The following MPRIP variants were observed in gnomAD, a reference collection of about 807,000 sequenced individuals.
MPRIP encodes myosin phosphatase Rho interacting protein.
Under a neutral mutation model 234.9 loss-of-function variants are expected in MPRIP, and 59 were observed. The observed-to-expected ratio is 0.25, with a 90% CI of 0.20 to 0.31. The LOEUF (loss-of-function observed/expected upper bound fraction) is 0.31. Ranked by LOEUF, MPRIP falls within the 10% of genes least tolerant of loss-of-function variation. The probability of loss-of-function intolerance (pLI) is 1.00; values close to 1 mark genes in which losing one functional copy is unlikely to be tolerated. For missense variants in MPRIP, 2,436 were observed against 3,071.0 expected (o/e 0.79, Z 4.89); for synonymous variants, 1,144 against 1,263.9 (o/e 0.91, Z 2.01).
intron 12 of MPRIP, among the ~76,000 whole-genome samples, chr17:17,151,399 C>T (rs368050466): frequency 2.0e-5 from 3 of 152,188 alleles, no homozygotes; most frequent in African/African-American, 2.4e-5. Flanking sequence ...CTTGGGGACA[C>T]GGTGTCCTCT....
intron 3 of MPRIP, among the ~76,000 whole-genome samples, chr17:17,079,878 A>T (rs2089422467): frequency 1.3e-5 from 2 of 152,194 alleles, no homozygotes; most frequent in Non-Finnish European, 1.5e-5. Flanking sequence ...CGGCTTCTGG[A>T]TAATTGAGGC....
intron 1 of MPRIP, among the ~76,000 whole-genome samples, chr17:17,048,212 C>T (rs974537855): frequency 1.3e-5 from 2 of 152,074 alleles, no homozygotes; most frequent in Non-Finnish European, 2.9e-5. Flanking sequence ...GAAATGAGCT[C>T]GGTCTTGATC....
At chr17:17,132,422 T>C (rs2090615152) in intron 5 of MPRIP, among the ~76,000 whole-genome samples, 1 of 152,230 alleles carries the variant, frequency 6.6e-6, no homozygotes, top group South Asian at 2.1e-4. Context: ...GGACCTATTA[T>C]AGGTTCTCAG....
chr17:17,131,977 G>A (rs540059499), intron 5 of MPRIP, among the ~76,000 whole-genome samples: 3 of 152,306 alleles, frequency 2.0e-5, no homozygotes, highest in African/African-American at 7.2e-5. Flanking sequence ...CCCTCCCCTC[G>A]CTATCCTGCT....
Position 17,165,999 on chromosome 17 carries a change from G to C in MPRIP, c.4408G>C (p.Val1470Leu). 14 of 1,304,288 alleles carry C rather than the reference G, an allele frequency of 1.1e-5. No individual in the cohort carries two copies. Among genetic ancestry groups the C allele is most frequent in the Non-Finnish European group, 1.4e-5 (14 of 988,938 alleles). 80.8% of individuals were successfully genotyped at this position (1,304,288 alleles called of 1,614,324 possible). The change falls in exon 16 of 24, where the codon GTC (valine) becomes CTC (leucine). Residue 1470 changes from valine to leucine, a missense_variant. Physicochemically the swap from Val to Leu is conservative, Grantham distance 32 (BLOSUM62 1). Transcript: ENST00000651222. ...TGTTGGAGAGCTTGGGGACTTCCAGGTCAAGAATAGTCAGGCCCTGATGTG... is the reference window on the plus strand; with the variant it reads ...TGTTGGAGAGCTTGGGGACTTCCAGCTCAAGAATAGTCAGGCCCTGATGTG... ...GHVGELGDFQ[V>L]KNSQALMCLE...
At chr17:17,097,153 A>G (rs1301673971) in intron 3 of MPRIP, 1 of 202,272 alleles carries the variant, frequency 4.9e-6, no homozygotes, top group Non-Finnish European at 1.0e-5. Context: ...TCAGAAGTAA[A>G]ATCAGTTCAT....
chr17:17,150,139 G>A lies in MPRIP; in HGVS notation c.1630-5G>A, dbSNP rs527581193. The A allele has an allele frequency of 1.9e-5, 31 of 1,610,620 alleles. No homozygotes were observed. In the South Asian group the frequency reaches 2.1e-4, roughly 11 times the overall value. ...ATCTCAAGACATTCTCACTTCCCTC[G>A]GCAGGCAGCCGACTTGGATGGAGAA... is the stretch of plus-strand genomic sequence containing the variant. On this transcript the variant is annotated splice_region_variant and splice_polypyrimidine_tract_variant and intron_variant, in intron 11 of 23. Coordinates refer to ENST00000651222, the MANE Select transcript of MPRIP (RefSeq NM_001364716.4).
chr17:17,184,492 C>T (rs1477679675), intron 23 of MPRIP, among the ~76,000 whole-genome samples: 1 of 152,238 alleles, frequency 6.6e-6, no homozygotes, highest in Admixed American at 6.5e-5. Context: ...TGGGCAGTCT[C>T]CTTGCTCATT....
intron 13 of MPRIP, 35 bp from the exon 14 acceptor site, chr17:17,158,397 C>A (rs2045779443): frequency 6.6e-7 from 1 of 1,515,726 alleles, no homozygotes; most frequent in Non-Finnish European, 8.8e-7. Context: ...CCAGAGCCGC[C>A]CCTGACAGGC....
intron 3 of MPRIP, among the ~76,000 whole-genome samples, chr17:17,094,730 C>T (rs1409295610): frequency 6.6e-6 from 1 of 151,876 alleles, no homozygotes; most frequent in Non-Finnish European, 1.5e-5. Flanking sequence ...CCTGCTTCAG[C>T]CTCCCAGGTA....
chr17:17,100,367 C>T (rs961724049), intron 3 of MPRIP, among the ~76,000 whole-genome samples: 6 of 152,166 alleles, frequency 3.9e-5, no homozygotes, highest in African/African-American at 1.4e-4. Context: ...CTTGTCGAAC[C>T]AGTCAAAACA....
Position 17,167,758 on chromosome 17 carries a change from C to A in MPRIP, c.6167C>A (p.Thr2056Asn), listed in dbSNP as rs758571509. Residue 2056 changes from threonine to asparagine, a missense_variant, in exon 16 of 24, where the codon ACC becomes AAC. Transcript: ENST00000651222. This position sits in a 1 kb window ranked among gnomAD's most constrained non-coding sequence, Gnocchi z 5.9. ...LPAPAPNWQA[T>N]QGEADSMTGL... ...GCCCCTGCCCCCAACTGGCAGGCCA[C>A]CCAGGGAGAGGCTGACTCCATGACG... The A allele has an allele frequency of 1.5e-6, 2 of 1,304,220 alleles. No homozygotes were observed. Among genetic ancestry groups the A allele is most frequent in the South Asian group, 2.5e-5 (2 of 81,018 alleles). 80.8% of individuals were successfully genotyped at this position (1,304,220 alleles called of 1,614,324 possible). A position where few individuals can be genotyped will look rare whatever the true frequency, so the allele number is the denominator to read the frequency against.
chr17:17,095,781 C>T (rs1291085994), intron 3 of MPRIP, among the ~76,000 whole-genome samples: 2 of 152,154 alleles, frequency 1.3e-5, no homozygotes, highest in African/African-American at 2.4e-5. Flanking sequence ...CTCAGCCCTG[C>T]CCCTGCTGTT....
chr17:17,092,836 C>T (rs1490069758), intron 3 of MPRIP, among the ~76,000 whole-genome samples: 1 of 152,200 alleles, frequency 6.6e-6, no homozygotes, highest in Non-Finnish European at 1.5e-5. Flanking sequence ...ACCACAGCCT[C>T]GCCCTTCTGT....
chr17:17,065,096 C>T (rs761022798), intron 1 of MPRIP, among the ~76,000 whole-genome samples: 4 of 152,036 alleles, frequency 2.6e-5, no homozygotes, highest in Non-Finnish European at 4.4e-5. Flanking sequence ...AAAGTCTTCT[C>T]GTGTCTTTTG....
At chr17:17,170,394 C>T (rs944920873) in intron 16 of MPRIP, among the ~76,000 whole-genome samples, 4 of 151,992 alleles carry the variant, frequency 2.6e-5, no homozygotes, top group African/African-American at 7.2e-5. Flanking sequence ...CAGGTGGAGC[C>T]GCTGGGAGAG....
chr17:17,171,693 A>G lies in MPRIP; in HGVS notation c.6325-25A>G, dbSNP rs1199131824. The stretch of plus-strand genomic sequence containing the variant: ...AACTTAGAGGTAAAGAAAGAAGTCG[A>G]TGAAGTCCCTTTTGCATTTTGCAGG... On this transcript the variant is annotated intron_variant, in intron 16 of 23. Coordinates refer to ENST00000651222, the MANE Select transcript of MPRIP (RefSeq NM_001364716.4). 3.7e-6 allele frequency: 6 copies of G among 1,603,254 alleles called. No individual in the cohort carries two copies. In the African/African-American group the frequency reaches 8.1e-5, roughly 22 times the overall value.
intron 1 of MPRIP, among the ~76,000 whole-genome samples, chr17:17,043,391 C>G (rs2088243045): frequency 6.6e-6 from 1 of 152,086 alleles, no homozygotes; most frequent in East Asian, 1.9e-4. Context: ...TGGGACGCAG[C>G]CTGCCCCGAT....
Position 17,136,302 on chromosome 17 carries a change from C to T in MPRIP, c.588C>T (p.Val196=), listed in dbSNP as rs1339092210. ...SSSSIPSAEK[V]PTTKSTLWQE... ...GCAGCATCCCCAGTGCTGAGAAAGTCCCCACCACCAAGTCCACACTCTGGC... is the reference window on the plus strand; with the variant it reads ...GCAGCATCCCCAGTGCTGAGAAAGTTCCCACCACCAAGTCCACACTCTGGC... The change falls in exon 6 of 24, where the codon GTC becomes GTT. Residue 196 remains valine (V), a synonymous_variant. Coordinates refer to ENST00000651222, the MANE Select transcript of MPRIP (RefSeq NM_001364716.4). 3 of 1,613,642 alleles carry T rather than the reference C, an allele frequency of 1.9e-6. No homozygotes were observed. Among genetic ancestry groups the T allele is most frequent in the Non-Finnish European group, 2.5e-6 (3 of 1,179,886 alleles).
Sources: allele counts gnomAD v4.1 joint callset (sites outside exome capture counted in the v4.1 genomes callset), GRCh38; gene constraint gnomAD v4.1.1; non-coding constraint Gnocchi (gnomAD v3.1); transcripts MANE v1.5; gene names NCBI Gene and HGNC (gene_info 2026-07-23, HGNC 2026-07-21).